Variants in DDX10 observed in about 807,000 individuals in gnomAD.
DDX10 encodes the protein DEAD-box helicase 10, also known as probable ATP-dependent RNA helicase DDX10.
DDX10 carries 74 observed loss-of-function variants against 104.3 expected under a neutral mutation model. The ratio of observed to expected loss-of-function variants is 0.71; its 90% confidence interval spans 0.59 to 0.86. DDX10 has a LOEUF of 0.86. Ranked by LOEUF, DDX10 falls within the 40% of genes least tolerant of loss-of-function variation. The pLI, the probability that DDX10 is intolerant of heterozygous loss-of-function variation, is 0.00. For missense variants in DDX10, 952 were observed against 1,040.0 expected (o/e 0.92, Z 1.16); for synonymous variants, 351 against 353.4 (o/e 0.99, Z 0.08).
intron 13 of DDX10, among the ~76,000 whole-genome samples, chr11:108,786,461 C>T (rs1227790505): frequency 6.6e-6 from 1 of 152,168 alleles, no homozygotes; most frequent in African/African-American, 2.4e-5. Context: ...AACTCTCCCA[C>T]TACTATTGTG....
intron 13 of DDX10, among the ~76,000 whole-genome samples, chr11:108,830,695 G>T (rs139935595): frequency 2.6e-5 from 4 of 152,182 alleles, no homozygotes; most frequent in African/African-American, 9.6e-5. Context: ...TGTTGTAGAT[G>T]GCTTTTATTA....
intron 13 of DDX10, among the ~76,000 whole-genome samples, chr11:108,829,419 T>C (rs1484700427): frequency 6.6e-6 from 1 of 152,210 alleles, no homozygotes. Flanking sequence ...TAGCTATTCA[T>C]GTCCTTAACT....
At chr11:108,912,571 A>C (rs974105528) in intron 16 of DDX10, among the ~76,000 whole-genome samples, 7 of 152,218 alleles carry the variant, frequency 4.6e-5, no homozygotes, top group Non-Finnish European at 1.0e-4. Flanking sequence ...TACTTACAGC[A>C]GTGAGTTTCC....
chr11:108,923,757 A>G (rs1037885320), intron 17 of DDX10, among the ~76,000 whole-genome samples: 1 of 152,180 alleles, frequency 6.6e-6, no homozygotes. Context: ...GAACATGGAG[A>G]CCACATAAGT....
chr11:108,763,138 G>C (rs1215487096), intron 13 of DDX10, among the ~76,000 whole-genome samples: 1 of 152,176 alleles, frequency 6.6e-6, no homozygotes, highest in Non-Finnish European at 1.5e-5. Flanking sequence ...TGGCAGAACA[G>C]GTGCTCACTT....
chr11:108,929,924 T>C lies in DDX10; in HGVS notation c.2451-10322T>C, dbSNP rs535901211. 5.3e-5 allele frequency among the ~76,000 whole-genome samples: 8 copies of C among 152,352 alleles called. No individual in the cohort carries two copies. In the East Asian group the frequency reaches 1.5e-3, roughly 29 times the overall value. On this transcript the variant is annotated intron_variant, in intron 17 of 17. Coordinates refer to ENST00000322536, the MANE Select transcript of DDX10 (RefSeq NM_004398.4). Reference sequence around the variant, plus strand: ...ATATAGTTTTCATATTTCTCTTCACTACCTCTCCAATTTCCCCTATTAGTA... The same window carrying C: ...ATATAGTTTTCATATTTCTCTTCACCACCTCTCCAATTTCCCCTATTAGTA...
At chr11:108,704,883 C>T (rs912502988) in intron 9 of DDX10, among the ~76,000 whole-genome samples, 2 of 152,172 alleles carry the variant, frequency 1.3e-5, no homozygotes, top group African/African-American at 4.8e-5. Context: ...TCAAATGGTG[C>T]CTTATCCCAT....
chr11:108,726,291 A>G (rs1466522154), intron 13 of DDX10, among the ~76,000 whole-genome samples: 1 of 152,042 alleles, frequency 6.6e-6, no homozygotes, highest in Non-Finnish European at 1.5e-5. Flanking sequence ...GACTTCATTG[A>G]GGTTGCATTG....
At chr11:108,898,104 A>G (rs1327391678) in intron 16 of DDX10, among the ~76,000 whole-genome samples, 1 of 152,190 alleles carries the variant, frequency 6.6e-6, no homozygotes, top group Non-Finnish European at 1.5e-5. Flanking sequence ...ACATTTGTAT[A>G]TACAGTGCCT....
intron 6 of DDX10, among the ~76,000 whole-genome samples, chr11:108,687,040 C>T (rs1033891078): frequency 2.6e-5 from 4 of 152,188 alleles, no homozygotes; most frequent in Admixed American, 6.5e-5. Flanking sequence ...CTGCCTCAGC[C>T]TCCCAAAGTG....
chr11:108,751,208 G>T (rs553205024), intron 13 of DDX10, among the ~76,000 whole-genome samples: 1 of 151,808 alleles, frequency 6.6e-6, no homozygotes, highest in South Asian at 2.1e-4. Flanking sequence ...TCACTGTCTG[G>T]TATAAATGTC....
At chr11:108,779,514 C>T (rs908967026) in intron 13 of DDX10, among the ~76,000 whole-genome samples, 1 of 149,996 alleles carries the variant, frequency 6.7e-6, no homozygotes, top group Non-Finnish European at 1.5e-5. Flanking sequence ...GGGTGGGGAA[C>T]ATCACACACT....
At position 108,693,573 on chromosome 11, in the gene DDX10, A is replaced by G. The variant is rs1360390010; in HGVS notation, c.1196A>G (p.Tyr399Cys). The G allele has an allele frequency of 1.9e-6, 3 of 1,614,118 alleles. No homozygotes were observed. In the South Asian group the frequency reaches 3.3e-5, roughly 18 times the overall value. Reference protein sequence around the residue: ...QFDCPEDANTYIHRAGRTARY... With the variant: ...QFDCPEDANTCIHRAGRTARY... ...GATTGTCCTGAGGATGCCAACACAT[A>G]TATTCACAGAGCAGGTAGAACTGCC... Residue 399 changes from tyrosine to cysteine, a missense_variant, in exon 9 of 18, where the codon TAT (tyrosine) becomes TGT (cysteine). Physicochemically the swap from Tyr to Cys is radical, Grantham distance 194. This residue lies in a region of DDX10 where 7 missense variants were observed against 26.7 expected (regional missense o/e 0.26). Transcript: ENST00000322536.
chr11:108,805,212 C>T (rs927626694), intron 13 of DDX10, among the ~76,000 whole-genome samples: 6 of 152,228 alleles, frequency 3.9e-5, no homozygotes, highest in African/African-American at 4.8e-5. Flanking sequence ...ACTGCTATTT[C>T]GACTGGACTG....
At chr11:108,797,980 TCTC>T (rs1050284080) in intron 13 of DDX10, among the ~76,000 whole-genome samples, 1 of 152,178 alleles carries the variant, frequency 6.6e-6, no homozygotes, top group African/African-American at 2.4e-5. Context: ...GAAACCGCAG[TCTC>T]CTCTTCGAAC....
At chr11:108,698,841 A>G (rs1201746695) in intron 9 of DDX10, among the ~76,000 whole-genome samples, 1 of 151,982 alleles carries the variant, frequency 6.6e-6, no homozygotes, top group Non-Finnish European at 1.5e-5. Flanking sequence ...CTTGTTCTCT[A>G]TGCTCCGTAC....
At chr11:108,719,932 G>T in intron 12 of DDX10, 47 bp downstream of exon 12, 1 of 1,148,518 alleles carries the variant, frequency 8.7e-7, no homozygotes, top group South Asian at 1.2e-5. Context: ...CAAGGTTAGA[G>T]GGAATTAATT....
chr11:108,787,867 C>G (rs549241132), intron 13 of DDX10, among the ~76,000 whole-genome samples: 1 of 152,170 alleles, frequency 6.6e-6, no homozygotes, highest in Admixed American at 6.5e-5. Context: ...GAGGTGGAGG[C>G]TGCGGTGAGC....
intron 16 of DDX10, among the ~76,000 whole-genome samples, chr11:108,862,456 C>G (rs1169915949): frequency 6.6e-6 from 1 of 152,124 alleles, no homozygotes; most frequent in African/African-American, 2.4e-5. Context: ...GCATTAGGAG[C>G]CTTAGTCCCT....
Sources: gnomAD v4.1 joint callset for allele counts (sites outside exome capture counted in the v4.1 genomes callset) on GRCh38, gnomAD v4.1.1 for gene constraint, gnomAD v4.1.1 regional missense constraint, MANE v1.5 for transcripts, NCBI Gene and HGNC (gene_info 2026-07-23, HGNC 2026-07-21) for gene names.